DOCK4: variants seen among roughly 807,000 people sequenced by gnomAD.
DOCK4 encodes the protein dedicator of cytokinesis 4, also known as dedicator of cytokinesis protein 4.
Under a neutral mutation model 268.1 loss-of-function variants are expected in DOCK4, and 97 were observed. The ratio of observed to expected loss-of-function variants is 0.36; its 90% CI spans 0.31 to 0.43. The LOEUF (loss-of-function observed/expected upper bound fraction) is 0.43, where lower values mean the gene tolerates loss of function less well. Ranked by LOEUF, DOCK4 falls within the 20% of genes least tolerant of loss-of-function variation. The pLI is 1.00. For missense variants in DOCK4, 2,145 were observed against 2,455.7 expected, an observed-to-expected ratio of 0.87 and a Z score of 2.67; for synonymous variants, 954 against 887.2, an observed-to-expected ratio of 1.08 and a Z score of -1.34.
chr7:111,831,672 C>T (rs757354698), intron 26 of DOCK4, among the ~76,000 whole-genome samples: 4 of 151,886 alleles, frequency 2.6e-5, no homozygotes, highest in African/African-American at 4.8e-5. Context: ...CTTTTTATAG[C>T]GACAGGGTCT....
At chr7:112,136,661 C>T (rs1814379788) in intron 1 of DOCK4, among the ~76,000 whole-genome samples, 1 of 152,156 alleles carries the variant, frequency 6.6e-6, no homozygotes, top group Non-Finnish European at 1.5e-5. Flanking sequence ...ACAAAACACA[C>T]TAGGATTCAG....
At chr7:111,789,096 C>A in intron 31 of DOCK4, 1 of 313,008 alleles carries the variant, frequency 3.2e-6, no homozygotes, top group Admixed American at 4.3e-5. Flanking sequence ...TTTTAAACAT[C>A]ACTATATATA....
At chr7:111,897,033 T>C (rs1180387683) in intron 15 of DOCK4, among the ~76,000 whole-genome samples, 1 of 152,144 alleles carries the variant, frequency 6.6e-6, no homozygotes, top group Non-Finnish European at 1.5e-5. Context: ...TAAGAACAAC[T>C]GACATCTTGA....
chr7:111,840,970 T>TATA, intron 25 of DOCK4: 1 of 545,114 alleles, frequency 1.8e-6, no homozygotes, highest in South Asian at 1.6e-5. Context: ...ATAGAATTAT[T>TATA]ATAACAACAA....
chr7:111,880,578 G>C (rs1027332710), intron 16 of DOCK4, among the ~76,000 whole-genome samples: 1 of 152,160 alleles, frequency 6.6e-6, no homozygotes, highest in African/African-American at 2.4e-5. Context: ...CGTAATTGTG[G>C]TGTGTAAAAT....
intron 8 of DOCK4, among the ~76,000 whole-genome samples, chr7:111,958,391 T>C (rs1460877478): frequency 6.6e-6 from 1 of 152,186 alleles, no homozygotes; most frequent in African/African-American, 2.4e-5. Context: ...AGTGTGACCA[T>C]AGCTTATCCT....
At chr7:111,761,470 A>G (rs1263927607) in intron 39 of DOCK4, among the ~76,000 whole-genome samples, 6 of 152,298 alleles carry the variant, frequency 3.9e-5, no homozygotes, top group Non-Finnish European at 5.9e-5. Flanking sequence ...TATGCAGGAA[A>G]AACACCTAGG....
At chr7:112,048,389 C>CAAAAAA (rs59810546) in intron 1 of DOCK4, among the ~76,000 whole-genome samples, 13 of 72,130 alleles carry the variant, frequency 1.8e-4, no homozygotes, top group African/African-American at 4.5e-4. Flanking sequence ...ACTAAAAATA[C>CAAAAAA]AAAAAAAAAA....
At chr7:112,030,266 T>C (rs1803160094) in intron 1 of DOCK4, among the ~76,000 whole-genome samples, 1 of 152,244 alleles carries the variant, frequency 6.6e-6, no homozygotes, top group Non-Finnish European at 1.5e-5. Context: ...GGGATGAGCA[T>C]TCATGTTGGA....
At chr7:112,196,994 T>A (rs183663163) in intron 1 of DOCK4, among the ~76,000 whole-genome samples, 42 of 152,258 alleles carry the variant, frequency 2.8e-4, no homozygotes, top group African/African-American at 9.9e-4. Context: ...CACCACGCCG[T>A]ACCACTGAAA....
At chr7:111,729,490 G>A (rs2133352252) in intron 52 of DOCK4, among the ~76,000 whole-genome samples, 1 of 152,306 alleles carries the variant, frequency 6.6e-6, no homozygotes, top group South Asian at 2.1e-4. Context: ...TGAGACTGCA[G>A]TGAGCCGTGG....
intron 8 of DOCK4, among the ~76,000 whole-genome samples, chr7:111,957,021 C>T (rs1796499563): frequency 1.3e-5 from 2 of 152,126 alleles, no homozygotes; most frequent in Non-Finnish European, 2.9e-5. Context: ...TTAGATGACT[C>T]ATTCAACTGT....
intron 52 of DOCK4, 27 bp downstream of exon 52, chr7:111,732,199 A>C (rs1795140963): frequency 1.2e-6 from 2 of 1,611,976 alleles, no homozygotes; most frequent in African/African-American, 2.7e-5. Flanking sequence ...GCCAGTCTCT[A>C]GCCTCAGTCG....
intron 13 of DOCK4, 142 bp downstream of exon 13, chr7:111,915,633 GCTTA>G (rs1380181284): frequency 1.6e-6 from 1 of 642,370 alleles, no homozygotes; most frequent in Non-Finnish European, 2.4e-6. Flanking sequence ...AAAAAAATGT[GCTTA>G]CTTACAGTCA....
At chr7:112,150,489 G>C (rs1815957295) in intron 1 of DOCK4, among the ~76,000 whole-genome samples, 1 of 152,082 alleles carries the variant, frequency 6.6e-6, no homozygotes, top group African/African-American at 2.4e-5. Flanking sequence ...ACGTAGTCCT[G>C]TGTCAAGTTA....
chr7:111,788,833 G>T, intron 31 of DOCK4, 86 bp from the exon 32 acceptor site: 1 of 1,211,780 alleles, frequency 8.3e-7, no homozygotes, highest in Non-Finnish European at 1.2e-6. Flanking sequence ...TTTGTGCCAA[G>T]GAAAAAGCCA....
At chr7:111,937,820 C>A (rs1489187538) in intron 11 of DOCK4, among the ~76,000 whole-genome samples, 1 of 152,182 alleles carries the variant, frequency 6.6e-6, no homozygotes, top group Non-Finnish European at 1.5e-5. Flanking sequence ...TTCTTATTAG[C>A]TAGGCAACAT....
At chr7:111,778,235 C>T (rs1397805848) in intron 36 of DOCK4, 41 bp downstream of exon 36, 4 of 1,371,198 alleles carry the variant, frequency 2.9e-6, no homozygotes, top group Non-Finnish European at 4.2e-6. Context: ...ATGATTAATA[C>T]ATCAGCTCCC....
chr7:111,836,867 A>G (rs1337337000), intron 25 of DOCK4, among the ~76,000 whole-genome samples: 3 of 152,124 alleles, frequency 2.0e-5, no homozygotes, highest in Non-Finnish European at 4.4e-5. Flanking sequence ...AAAAAGAAAA[A>G]CAGAAAAAAG....
Sources: allele counts gnomAD v4.1 joint callset (sites outside exome capture counted in the v4.1 genomes callset), GRCh38; gene constraint gnomAD v4.1.1; transcripts MANE v1.5; gene names NCBI Gene and HGNC (gene_info 2026-07-23, HGNC 2026-07-21).